The following ARHGAP40 variants were observed in gnomAD, a reference collection of about 807,000 sequenced individuals.
ARHGAP40 encodes Rho GTPase activating protein 40.
In ARHGAP40, 43 loss-of-function variants were observed where a neutral mutation model predicts 73.5. The ratio of observed to expected loss-of-function variants is 0.58; its 90% confidence interval spans 0.46 to 0.75. The LOEUF (loss-of-function observed/expected upper bound fraction) is 0.75, where lower values mean the gene tolerates loss of function less well. Ranked by LOEUF, ARHGAP40 falls within the 30% of genes least tolerant of loss-of-function variation. The pLI, the probability that ARHGAP40 is intolerant of heterozygous loss-of-function variation, is 0.00. For missense variants in ARHGAP40, 734 were observed against 861.8 expected, an observed-to-expected ratio of 0.85 and a Z score of 1.86; for synonymous variants, 300 against 352.8, an observed-to-expected ratio of 0.85 and a Z score of 1.68.
intron 11 of ARHGAP40, among the ~76,000 whole-genome samples, chr20:38,644,556 C>G (rs1393805601): frequency 6.6e-6 from 1 of 152,046 alleles, no homozygotes; most frequent in Non-Finnish European, 1.5e-5. Context: ...TCCATCCACC[C>G]ACTCACCCAC....
At chr20:38,645,985 G>T in intron 11 of ARHGAP40, 62 bp from the exon 12 acceptor site, 1 of 1,237,464 alleles carries the variant, frequency 8.1e-7, no homozygotes, top group Non-Finnish European at 1.1e-6. Flanking sequence ...CCCTGGAGAG[G>T]GCTCTGCCTC....
intron 6 of ARHGAP40, among the ~76,000 whole-genome samples, chr20:38,635,537 C>T (rs2088969537): frequency 1.3e-5 from 2 of 152,070 alleles, no homozygotes; most frequent in East Asian, 1.9e-4. Flanking sequence ...CTGGTGCACA[C>T]CTCTAGTCCC....
chr20:38,632,267 A>ATT (rs35380499), intron 5 of ARHGAP40, among the ~76,000 whole-genome samples: 1,661 of 139,824 alleles, frequency 0.012, 24 homozygotes, highest in African/African-American at 0.041. Context: ...CCCGGCCTAA[A>ATT]TTTTTTTTTT....
In ARHGAP40 at chr20:38,609,903, A is replaced by T. The variant is rs117778441; in HGVS notation, c.137+7824A>T. Among the ~76,000 whole-genome samples the T allele has an allele frequency of 9.2e-5, 14 of 152,352 alleles. No individual in the cohort carries two copies. In the East Asian group the frequency reaches 2.5e-3, roughly 27 times the overall value. On this transcript the variant is annotated intron_variant, in intron 1 of 14. Transcript: ENST00000373345. The stretch of plus-strand genomic sequence containing the variant: ...CCAGGAGACCTGAAGGTAGGATGAC[A>T]ATCTGGCTCTTAAGCCCTTGAGTGC...
At chr20:38,629,334 T>C (rs2088922764) in intron 4 of ARHGAP40, among the ~76,000 whole-genome samples, 168 bp from the exon 5 acceptor site, 1 of 152,236 alleles carries the variant, frequency 6.6e-6, no homozygotes, top group South Asian at 2.1e-4. Flanking sequence ...AATCACTTCC[T>C]GGGCAATGAG....
At chr20:38,649,762 C>T (rs1297064963) in exon 15 of ARHGAP40, 1 of 1,305,104 alleles carries the variant, frequency 7.7e-7, no homozygotes, top group Non-Finnish European at 1.0e-6. Flanking sequence ...CACAGATGAG[C>T]ATCGCCTGGA....
Position 38,604,191 on chromosome 20 carries a change from C to T in ARHGAP40, c.137+2112C>T, listed in dbSNP as rs1029008656. ...CTGTTCCCCTGACTCCACCACCACCCTCCCTTAATCTCCTGGTTCCTTGTG... is the reference window on the plus strand; with the variant it reads ...CTGTTCCCCTGACTCCACCACCACCTTCCCTTAATCTCCTGGTTCCTTGTG... On this transcript the variant is annotated intron_variant, in intron 1 of 14. Coordinates refer to ENST00000373345, the Ensembl canonical transcript of ARHGAP40. Among the ~76,000 whole-genome samples the T allele has an allele frequency of 5.9e-5, 9 of 152,322 alleles. No individual in the cohort carries two copies. The East Asian group carries it at 1.5e-3, about 26-fold the overall frequency.
At chr20:38,622,228 G>A (rs893639732) in intron 1 of ARHGAP40, among the ~76,000 whole-genome samples, 2 of 151,994 alleles carry the variant, frequency 1.3e-5, no homozygotes, top group African/African-American at 4.8e-5. Flanking sequence ...CCTTTTGTTG[G>A]TTTCCACATG....
chr20:38,646,132 C>A lies in ARHGAP40; in HGVS notation c.1655C>A (p.Thr552Asn), dbSNP rs866325545. The A allele has an allele frequency of 3.1e-6, 4 of 1,304,192 alleles. No individual in the cohort carries two copies. Among genetic ancestry groups the A allele is most frequent in the Middle Eastern group, 2.1e-4 (1 of 4,694 alleles). 80.8% of individuals were successfully genotyped at this position (1,304,192 alleles called of 1,614,324 possible). A position where few individuals can be genotyped will look rare whatever the true frequency, so the allele number is the denominator to read the frequency against. The stretch of plus-strand genomic sequence containing the variant: ...CAGCTCTGCGACGCAGGCCTCAAGA[C>A]TTGGCTGCGGAGGATGCACGCAGAC... The change falls in exon 12 of 15, where the codon ACT becomes AAT. Residue 552 changes from threonine to asparagine, a missense_variant. By Grantham distance (65) the Thr-to-Asn change is moderately conservative. Coordinates refer to ENST00000373345, the Ensembl canonical transcript of ARHGAP40. The surrounding 1 kb of genome is among the most constrained non-coding windows in gnomAD (Gnocchi z 4.5).
At chr20:38,629,469 G>T in intron 4 of ARHGAP40, 33 bp from the exon 5 acceptor site, 2 of 1,304,690 alleles carry the variant, frequency 1.5e-6, no homozygotes, top group Non-Finnish European at 2.0e-6. Flanking sequence ...AGTTCTCACT[G>T]CCTTTCTCTG....
At chr20:38,617,211 C>T (rs771532301) in intron 1 of ARHGAP40, among the ~76,000 whole-genome samples, 62 of 152,192 alleles carry the variant, frequency 4.1e-4, no homozygotes, top group Non-Finnish European at 8.1e-4. Flanking sequence ...CGACTCATCC[C>T]GATGGCCCGC....
exon 15 of ARHGAP40, chr20:38,650,321 G>T (rs1159229699): frequency 2.1e-6 from 1 of 471,140 alleles, no homozygotes; most frequent in South Asian, 1.5e-5. Flanking sequence ...TCAAGAGGTA[G>T]TTGGGGTCTT....
intron 6 of ARHGAP40, 77 bp downstream of exon 6, chr20:38,634,862 A>G: frequency 8.7e-7 from 1 of 1,152,524 alleles, no homozygotes. Context: ...TCCCAGCAAG[A>G]GATGCTCAGC....
intron 1 of ARHGAP40, among the ~76,000 whole-genome samples, chr20:38,619,601 C>T (rs2088863558): frequency 1.4e-5 from 2 of 146,802 alleles, no homozygotes; most frequent in Admixed American, 1.4e-4. Flanking sequence ...ACTTCATTTA[C>T]ACCTGGGGCC....
rs2088827178 is a variant in ARHGAP40 at position 38,615,093 on chromosome 20, G to T, written c.138-8266G>T. The T allele has an allele frequency of 4.4e-6, 4 of 917,780 alleles. No individual in the cohort carries two copies. The East Asian group carries it at 7.2e-5, about 16-fold the overall frequency. 56.9% of individuals were successfully genotyped at this position (917,780 alleles called of 1,614,324 possible). A position where few individuals can be genotyped will look rare whatever the true frequency, so the allele number is the denominator to read the frequency against. ...GCTGTCAGCAGACACTCGGAGTTTGGCTATACGAGTGTCCCATATATCCTT... is the reference window on the plus strand; with the variant it reads ...GCTGTCAGCAGACACTCGGAGTTTGTCTATACGAGTGTCCCATATATCCTT... On this transcript the variant is annotated intron_variant, in intron 1 of 14. Coordinates refer to ENST00000373345, the Ensembl canonical transcript of ARHGAP40.
chr20:38,603,420 T>TCTAG (rs1403572094), intron 1 of ARHGAP40, among the ~76,000 whole-genome samples: 78 of 100,364 alleles, frequency 7.8e-4, no homozygotes, highest in Middle Eastern at 4.5e-3. Flanking sequence ...TATCTATCTA[T>TCTAG]CTATCTATCT....
intron 2 of ARHGAP40, among the ~76,000 whole-genome samples, chr20:38,625,865 G>A (rs886810480): frequency 3.3e-5 from 5 of 152,290 alleles, no homozygotes; most frequent in African/African-American, 1.2e-4. Context: ...ATGTGTTTTA[G>A]TAAAAAATGT....
intron 2 of ARHGAP40, among the ~76,000 whole-genome samples, chr20:38,626,449 C>T (rs756985324): frequency 6.6e-6 from 1 of 152,202 alleles, no homozygotes; most frequent in Non-Finnish European, 1.5e-5. Flanking sequence ...AGGTAAGACC[C>T]GAGATCCTGA....
intron 2 of ARHGAP40, among the ~76,000 whole-genome samples, chr20:38,624,289 A>G (rs1179135854): frequency 6.6e-6 from 1 of 152,132 alleles, no homozygotes; most frequent in Non-Finnish European, 1.5e-5. Context: ...TCCTCACAGC[A>G]TGGCGGCTGG....
Sources: allele counts gnomAD v4.1 joint callset (sites outside exome capture counted in the v4.1 genomes callset), GRCh38; gene constraint gnomAD v4.1.1; non-coding constraint Gnocchi (gnomAD v3.1); transcripts MANE v1.5; gene names NCBI Gene and HGNC (gene_info 2026-07-23, HGNC 2026-07-21).